Variants in EGFR observed in about 807,000 individuals in gnomAD.
EGFR encodes epidermal growth factor receptor.
In EGFR, 58 loss-of-function variants were observed where a neutral mutation model predicts 143.0. That is an observed-to-expected ratio of 0.41 (90% confidence interval 0.33 to 0.50). The LOEUF (loss-of-function observed/expected upper bound fraction) is 0.50. Ranked by LOEUF, EGFR falls within the 20% of genes least tolerant of loss-of-function variation. The pLI, the probability that EGFR is intolerant of heterozygous loss-of-function variation, is 0.39. For missense variants in EGFR, 1,307 were observed against 1,579.0 expected (o/e 0.83, Z 2.92); for synonymous variants, 613 against 594.4 (o/e 1.03, Z -0.45).
At chr7:55,033,683 G>C (rs1787395013) in intron 1 of EGFR, among the ~76,000 whole-genome samples, 1 of 152,152 alleles carries the variant, frequency 6.6e-6, no homozygotes, top group Non-Finnish European at 1.5e-5. Flanking sequence ...CCTTCCCGTG[G>C]TCTGGACCCT....
At chr7:55,030,702 C>T (rs1408136595) in intron 1 of EGFR, among the ~76,000 whole-genome samples, 1 of 152,190 alleles carries the variant, frequency 6.6e-6, no homozygotes, top group African/African-American at 2.4e-5. Context: ...TACACTTAAC[C>T]TCTTTAGGGT....
At chr7:55,192,609 C>G (rs1374856728) in intron 21 of EGFR, among the ~76,000 whole-genome samples, 157 bp from the exon 22 acceptor site, 1 of 152,242 alleles carries the variant, frequency 6.6e-6, no homozygotes, top group Non-Finnish European at 1.5e-5. Context: ...CTGAAATCCC[C>G]TGTTGCCGGG....
Position 55,036,276 on chromosome 7 carries a change from G to T in EGFR, c.88+16911G>T, listed in dbSNP as rs1184170574. Among the ~76,000 whole-genome samples, 96 of 97,218 alleles carry T rather than the reference G, an allele frequency of 9.9e-4. 4 individuals are homozygous for T. The East Asian group carries it at 0.025, about 25-fold the overall frequency. The allele number at this position is 97,218 out of a possible 152,430, so 63.8% of individuals were successfully genotyped here. ...TGGTCAAGTTTGTGTGTGTGTGGGG[G>T]GGGGGGGGTGGGTGTGTGTGTGTAC... On this transcript the variant is annotated intron_variant, in intron 1 of 27. Transcript: ENST00000275493.
At chr7:55,092,303 C>G (rs139983308) in intron 1 of EGFR, among the ~76,000 whole-genome samples, 3 of 152,256 alleles carry the variant, frequency 2.0e-5, no homozygotes, top group East Asian at 3.9e-4. Flanking sequence ...CCCAGGAGTG[C>G]CCTAGAGGAT....
At position 55,205,359 on chromosome 7, in the gene EGFR, C is replaced by T. The variant is rs760466207; in HGVS notation, c.3375C>T (p.Tyr1125=). 2.5e-6 allele frequency: 4 copies of T among 1,613,604 alleles called. No homozygotes were observed. The highest frequency in any genetic ancestry group is 1.1e-5 in the South Asian group (1 of 91,030). The change falls in exon 28 of 28, where the codon TAC becomes TAT. Residue 1125 remains tyrosine, a synonymous_variant. Coordinates refer to ENST00000275493, the MANE Select transcript of EGFR (RefSeq NM_005228.5). ...LNPAPSRDPH[Y]QDPHSTAVGN... ...CCGCGCCCAGCAGAGACCCACACTACCAGGACCCCCACAGCACTGCAGTGG... is the reference window on the plus strand; with the variant it reads ...CCGCGCCCAGCAGAGACCCACACTATCAGGACCCCCACAGCACTGCAGTGG...
In EGFR at chr7:55,174,718, A is replaced by C; in HGVS notation, c.2185-4A>C. On this transcript the variant is annotated splice_polypyrimidine_tract_variant and splice_region_variant and intron_variant, in intron 18 of 27. Coordinates refer to ENST00000275493, the MANE Select transcript of EGFR (RefSeq NM_005228.5). ...TTAACGTCTTCCTTCTCTCTCTGTCATAGGGACTCTGGATCCCAGAAGGTG... is the reference window on the plus strand; with the variant it reads ...TTAACGTCTTCCTTCTCTCTCTGTCCTAGGGACTCTGGATCCCAGAAGGTG... 6.2e-7 allele frequency: 1 copy of C among 1,612,092 alleles called. No homozygotes were observed. Among genetic ancestry groups the C allele is most frequent in the Non-Finnish European group, 8.5e-7 (1 of 1,178,252 alleles).
intron 1 of EGFR, among the ~76,000 whole-genome samples, chr7:55,049,916 G>A (rs1437349239): frequency 5.3e-5 from 8 of 152,020 alleles, no homozygotes; most frequent in Non-Finnish European, 1.0e-4. Flanking sequence ...CTCCCACATT[G>A]TCTTCCAAAA....
intron 1 of EGFR, among the ~76,000 whole-genome samples, chr7:55,029,179 A>C (rs989906449): frequency 6.6e-6 from 1 of 152,186 alleles, no homozygotes; most frequent in Non-Finnish European, 1.5e-5. Flanking sequence ...AAAAGTGGTC[A>C]TTGGAGAATT....
intron 11 of EGFR, among the ~76,000 whole-genome samples, chr7:55,159,485 A>G (rs1157972895): frequency 1.3e-5 from 2 of 152,192 alleles, no homozygotes; most frequent in African/African-American, 4.8e-5. Context: ...TGCCACAGTT[A>G]CTGCTTTCAG....
chr7:55,071,211 C>T (rs1789804812), intron 1 of EGFR, among the ~76,000 whole-genome samples: 1 of 152,186 alleles, frequency 6.6e-6, no homozygotes, highest in Non-Finnish European at 1.5e-5. Context: ...AAGGCTTCTG[C>T]CCCCATTCCC....
At chr7:55,185,819 C>T (rs561344741) in intron 20 of EGFR, among the ~76,000 whole-genome samples, 47 of 152,330 alleles carry the variant, frequency 3.1e-4, no homozygotes, top group African/African-American at 9.4e-4. Flanking sequence ...CACCAAACTA[C>T]ACTTAGTTCC....
intron 1 of EGFR, among the ~76,000 whole-genome samples, chr7:55,081,303 G>A (rs74556218): frequency 0.013 from 2,050 of 152,256 alleles, 36 homozygotes; most frequent in African/African-American, 0.046. Context: ...ACACCGTAAC[G>A]GAGATACTCT....
chr7:55,025,274 C>G (rs924615746), intron 1 of EGFR, among the ~76,000 whole-genome samples: 1 of 152,144 alleles, frequency 6.6e-6, no homozygotes, highest in Admixed American at 6.5e-5. Context: ...TGACTATTGC[C>G]AGAGACAGAG....
At chr7:55,046,716 A>G (rs1293017151) in intron 1 of EGFR, among the ~76,000 whole-genome samples, 1 of 152,206 alleles carries the variant, frequency 6.6e-6, no homozygotes, top group African/African-American at 2.4e-5. Context: ...CCTGTCTAAT[A>G]TTGCCACAAC....
At chr7:55,079,105 G>A (rs997632175) in intron 1 of EGFR, among the ~76,000 whole-genome samples, 1 of 152,168 alleles carries the variant, frequency 6.6e-6, no homozygotes, top group Non-Finnish European at 1.5e-5. Context: ...CTCGAGCTGC[G>A]AGGCCCTGGA....
intron 1 of EGFR, among the ~76,000 whole-genome samples, chr7:55,083,972 A>G (rs1583996148): frequency 6.6e-6 from 1 of 152,240 alleles, no homozygotes; most frequent in African/African-American, 2.4e-5. Flanking sequence ...AATGAATGGA[A>G]CAAAATCAGG....
intron 15 of EGFR, chr7:55,170,892 G>T: frequency 7.1e-7 from 1 of 1,413,816 alleles, no homozygotes; most frequent in Non-Finnish European, 9.2e-7. Context: ...TGTGTCAAAA[G>T]CCAGATGTGA....
intron 1 of EGFR, among the ~76,000 whole-genome samples, chr7:55,116,869 G>A (rs939821079): frequency 6.6e-6 from 1 of 152,194 alleles, no homozygotes; most frequent in African/African-American, 2.4e-5. Flanking sequence ...TTCCATCATA[G>A]GAGAATACCA....
rs1038947419 is a variant in EGFR, at chr7:55,112,207, T to C, written c.89-30079T>C. ...GGCGTCTCACCCCTTCGGGTCTCAT[T>C]GTGACTCACTTTGATAGCCACACGA... On this transcript the variant is annotated intron_variant, in intron 1 of 27. Transcript: ENST00000275493. 2.0e-5 allele frequency among the ~76,000 whole-genome samples: 3 copies of C among 152,342 alleles called. No homozygotes were observed. The South Asian group carries it at 6.2e-4, about 32-fold the overall frequency.
Sources: gnomAD v4.1 joint callset for allele counts (sites outside exome capture counted in the v4.1 genomes callset) on GRCh38, gnomAD v4.1.1 for gene constraint, MANE v1.5 for transcripts, NCBI Gene and HGNC (gene_info 2026-07-23, HGNC 2026-07-21) for gene names.